The following COG2 variants were observed in gnomAD, a reference collection of about 807,000 sequenced individuals.
COG2 encodes component of oligomeric golgi complex 2, also known as conserved oligomeric Golgi complex subunit 2.
Under a neutral mutation model 90.6 loss-of-function variants are expected in COG2, and 52 were observed. The observed-to-expected ratio is 0.57, with a 90% CI of 0.46 to 0.72. COG2 has a LOEUF of 0.72. Ranked by LOEUF, COG2 falls within the 30% of genes least tolerant of loss-of-function variation. The pLI, the probability that COG2 is intolerant of heterozygous loss-of-function variation, is 0.00. For synonymous variants in COG2, 337 were observed against 320.4 expected, an observed-to-expected ratio of 1.05 and a Z score of -0.55; for missense variants, 829 against 891.2, an observed-to-expected ratio of 0.93 and a Z score of 0.89.
intron 9 of COG2, among the ~76,000 whole-genome samples, chr1:230,676,208 T>G (rs967116935): frequency 6.6e-6 from 1 of 152,172 alleles, no homozygotes; most frequent in Non-Finnish European, 1.5e-5. Flanking sequence ...TTGACTCTTA[T>G]TTTATACTTT....
intron 8 of COG2, among the ~76,000 whole-genome samples, chr1:230,672,978 T>C (rs16852196): frequency 0.022 from 3,409 of 152,316 alleles, 117 homozygotes; most frequent in African/African-American, 0.078. Context: ...GGGTAATTAA[T>C]ATGCTGCTTG....
At chr1:230,672,462 C>T (rs1662473117) in intron 8 of COG2, among the ~76,000 whole-genome samples, 2 of 152,132 alleles carry the variant, frequency 1.3e-5, no homozygotes, top group South Asian at 4.1e-4. Flanking sequence ...CCTGCCCTCC[C>T]CTTCCTGTGC....
intron 1 of COG2, among the ~76,000 whole-genome samples, chr1:230,644,019 T>C (rs990637421): frequency 6.6e-6 from 1 of 152,210 alleles, no homozygotes; most frequent in Non-Finnish European, 1.5e-5. Context: ...TTTGTCCATC[T>C]CTTGACTTCT....
rs1193440389 is a variant in COG2 at position 230,647,205 on chromosome 1, G to T, written c.72+4527G>T. Among the ~76,000 whole-genome samples the T allele has an allele frequency of 6.6e-5, 10 of 152,178 alleles. No individual in the cohort carries two copies. The East Asian group carries it at 1.9e-3, about 29-fold the overall frequency. On this transcript the variant is annotated intron_variant, in intron 1 of 17. Transcript: ENST00000366669. ...ATTGCACTGATGGACAGTTTCTATTGATTAGTAGCTATCTTGGTTATCTGA... is the reference window on the plus strand; with the variant it reads ...ATTGCACTGATGGACAGTTTCTATTTATTAGTAGCTATCTTGGTTATCTGA...
At chr1:230,672,158 C>A (rs1440799036) in intron 8 of COG2, among the ~76,000 whole-genome samples, 1 of 152,124 alleles carries the variant, frequency 6.6e-6, no homozygotes, top group South Asian at 2.1e-4. Flanking sequence ...ATAGAATCTT[C>A]CCACCCTGTC....
intron 1 of COG2, among the ~76,000 whole-genome samples, chr1:230,650,337 A>G (rs1191206808): frequency 8.5e-5 from 13 of 152,326 alleles, no homozygotes; most frequent in Admixed American, 4.6e-4. Flanking sequence ...CCAACAGTGT[A>G]TAAGCATTCC....
chr1:230,645,377 G>A (rs1211890439), intron 1 of COG2, among the ~76,000 whole-genome samples: 5 of 152,094 alleles, frequency 3.3e-5, no homozygotes, highest in African/African-American at 9.7e-5. Context: ...CTTAACCTAG[G>A]TATGCTGTGG....
At chr1:230,662,508 T>A (rs1176893218) in intron 3 of COG2, among the ~76,000 whole-genome samples, 1 of 152,192 alleles carries the variant, frequency 6.6e-6, no homozygotes, top group African/African-American at 2.4e-5. Context: ...GACATGTTTC[T>A]CCACTTATGA....
Position 230,659,482 on chromosome 1 carries a change from C to T in COG2, c.91C>T (p.His31Tyr), listed in dbSNP as rs765142840. The change falls in exon 2 of 18, where the codon CAT becomes TAT. Residue 31 changes from histidine to tyrosine, a missense_variant. Physicochemically the swap from His to Tyr is moderately conservative, Grantham distance 83. Coordinates refer to ENST00000366669, the MANE Select transcript of COG2 (RefSeq NM_007357.3). ...EFMKEDFDVD[H>Y]FVSDCRKRVQ... The stretch of plus-strand genomic sequence containing the variant: ...TTTTCAGGAAGATTTCGATGTCGAT[C>T]ATTTTGTGTCTGACTGTAGGAAGCG... The T allele has an allele frequency of 1.9e-6, 3 of 1,613,296 alleles. No individual in the cohort carries two copies. Among genetic ancestry groups the T allele is most frequent in the Non-Finnish European group, 2.5e-6 (3 of 1,179,642 alleles).
intron 7 of COG2, chr1:230,670,100 A>G (rs1662413307): frequency 6.6e-6 from 1 of 152,452 alleles, no homozygotes; most frequent in Non-Finnish European, 1.5e-5. Flanking sequence ...TTTATAGCAA[A>G]TTAGCCAAGT....
At chr1:230,676,145 T>C (rs1017754665) in intron 9 of COG2, among the ~76,000 whole-genome samples, 3 of 152,232 alleles carry the variant, frequency 2.0e-5, no homozygotes, top group African/African-American at 7.2e-5. Context: ...ATAATCTTTG[T>C]CTTTTAATTA....
At chr1:230,644,615 G>A (rs1317724319) in intron 1 of COG2, among the ~76,000 whole-genome samples, 10 of 152,202 alleles carry the variant, frequency 6.6e-5, no homozygotes, top group Non-Finnish European at 1.2e-4. Context: ...CGTCTCTTCT[G>A]GTGTTGATGG....
Position 230,691,484 on chromosome 1 carries a change from G to A in COG2, c.2035G>A (p.Val679Ile), listed in dbSNP as rs751029868. The change falls in exon 17 of 18, where the codon GTC becomes ATC. Residue 679 changes from valine (V) to isoleucine (I), a missense_variant. Physicochemically the swap from Val to Ile is conservative, Grantham distance 29. Coordinates refer to ENST00000366669, the MANE Select transcript of COG2 (RefSeq NM_007357.3). The part of the protein sequence containing the change: ...QARKTTPANP[V>I]GPSGGMSDDD... ...CAGAAAAACCACTCCCGCCAACCCC[G>A]TCGGTCCCAGTGGTGGCATGAGCGA... 6 of 1,613,998 alleles carry A rather than the reference G, an allele frequency of 3.7e-6. No homozygotes were observed. The highest frequency in any genetic ancestry group is 1.3e-5 in the African/African-American group (1 of 74,896).
At chr1:230,656,707 A>G (rs941866606) in intron 1 of COG2, among the ~76,000 whole-genome samples, 1 of 152,098 alleles carries the variant, frequency 6.6e-6, no homozygotes, top group African/African-American at 2.4e-5. Context: ...ATTGTGTGGG[A>G]GTCTAAGTCT....
chr1:230,669,260 A>G (rs1662390081), intron 6 of COG2, 96 bp from the exon 7 acceptor site: 1 of 1,072,642 alleles, frequency 9.3e-7, no homozygotes, highest in Non-Finnish European at 1.4e-6. Context: ...ATATGTCATT[A>G]TCTGTTGGTG....
chr1:230,643,076 C>T (rs1009384710), intron 1 of COG2: 2 of 184,486 alleles, frequency 1.1e-5, no homozygotes, highest in African/African-American at 2.3e-5. Context: ...ACGTACTTTC[C>T]TAGGGACTCG....
Position 230,685,990 on chromosome 1 carries a change from A to G in COG2, c.1380+754A>G, listed in dbSNP as rs1288120475. Among the ~76,000 whole-genome samples, 3 of 152,338 alleles carry G rather than the reference A, an allele frequency of 2.0e-5. 1 individual carries two copies. The highest frequency in any genetic ancestry group is 4.1e-4 in the South Asian group (2 of 4,830). On this transcript the variant is annotated intron_variant, in intron 12 of 17. Transcript: ENST00000366669. ...GCACACTTTGAGTAAAATCTTTGTAATTTGGAGTAGGAAAGGATCCCAGTC... is the reference window on the plus strand; with the variant it reads ...GCACACTTTGAGTAAAATCTTTGTAGTTTGGAGTAGGAAAGGATCCCAGTC...
At chr1:230,675,662 A>C (rs1277448748) in intron 9 of COG2, among the ~76,000 whole-genome samples, 1 of 152,058 alleles carries the variant, frequency 6.6e-6, no homozygotes, top group African/African-American at 2.4e-5. Context: ...ACTATTTTTG[A>C]AACAGGGTCT....
At chr1:230,658,583 C>A (rs1332992805) in intron 1 of COG2, among the ~76,000 whole-genome samples, 1 of 152,144 alleles carries the variant, frequency 6.6e-6, no homozygotes, top group Non-Finnish European at 1.5e-5. Flanking sequence ...ATACACTGTG[C>A]TAGGAGGTCC....
Sources: gnomAD v4.1 joint callset for allele counts (sites outside exome capture counted in the v4.1 genomes callset) on GRCh38, gnomAD v4.1.1 for gene constraint, MANE v1.5 for transcripts, NCBI Gene and HGNC (gene_info 2026-07-23, HGNC 2026-07-21) for gene names.